Variants in RPTOR observed in about 807,000 individuals in gnomAD.
The protein encoded by RPTOR is regulatory associated protein of MTOR complex 1.
Under a neutral mutation model 169.9 loss-of-function variants are expected in RPTOR, and 21 were observed. That is an observed-to-expected ratio of 0.12 (90% CI 0.09 to 0.18). The LOEUF is 0.18. Ranked by LOEUF, RPTOR falls within the 10% of genes least tolerant of loss-of-function variation. The pLI, the probability that RPTOR is intolerant of heterozygous loss-of-function variation, is 1.00. For synonymous variants in RPTOR, 732 were observed against 753.2 expected (o/e 0.97, Z 0.46); for missense variants, 1,133 against 1,855.9 (o/e 0.61, Z 7.16).
At chr17:80,794,952 T>C (rs1226699309) in intron 7 of RPTOR, among the ~76,000 whole-genome samples, 1 of 152,076 alleles carries the variant, frequency 6.6e-6, no homozygotes, top group East Asian at 1.9e-4. Context: ...CTGGGGGTGA[T>C]GTCTTGATGC....
rs112725497 is a variant in RPTOR at position 80,692,225 on chromosome 17, C to T, written c.349-15616C>T. Among the ~76,000 whole-genome samples, 1,002 of 152,270 alleles carry T rather than the reference C, an allele frequency of 6.6e-3. 10 individuals are homozygous for T. The highest frequency in any genetic ancestry group is 0.023 in the African/African-American group (968 of 41,534). ...CTCCTGGGCTCAAGCCATCCTCCCA[C>T]CTCAGCCTCTCAAGTAGCCAAGACT... On this transcript the variant is annotated intron_variant, in intron 3 of 33. Coordinates refer to ENST00000306801, the MANE Select transcript of RPTOR (RefSeq NM_020761.3).
intron 28 of RPTOR, among the ~76,000 whole-genome samples, chr17:80,949,968 C>T (rs2069152540): frequency 6.6e-6 from 1 of 152,268 alleles, no homozygotes; most frequent in South Asian, 2.1e-4. Context: ...TCTGGGGCCT[C>T]ACGCGCTCGC....
At chr17:80,782,598 C>A (rs2066952417) in intron 6 of RPTOR, among the ~76,000 whole-genome samples, 1 of 152,170 alleles carries the variant, frequency 6.6e-6, no homozygotes, top group African/African-American at 2.4e-5. Context: ...GGGATCTCAG[C>A]CCCAGCCGTT....
chr17:80,956,174 G>A (rs1186470365), intron 28 of RPTOR, among the ~76,000 whole-genome samples: 2 of 152,162 alleles, frequency 1.3e-5, no homozygotes, highest in East Asian at 1.9e-4. Flanking sequence ...CCAGGCAGGC[G>A]CAGGGGCAGA....
chr17:80,546,254 CAAAT>C (rs1325158496), intron 1 of RPTOR, among the ~76,000 whole-genome samples: 1 of 152,148 alleles, frequency 6.6e-6, no homozygotes, highest in Non-Finnish European at 1.5e-5. Context: ...CAACTAGTAA[CAAAT>C]TAGTGCAAAG....
chr17:80,839,538 C>A (rs925357285), intron 10 of RPTOR, among the ~76,000 whole-genome samples: 6 of 138,960 alleles, frequency 4.3e-5, no homozygotes, highest in African/African-American at 1.4e-4. Context: ...TAGACAAAGG[C>A]CTTCCCTCCC....
intron 3 of RPTOR, among the ~76,000 whole-genome samples, chr17:80,657,936 A>G (rs982742878): frequency 9.2e-5 from 14 of 152,074 alleles, no homozygotes; most frequent in African/African-American, 3.4e-4. Flanking sequence ...TTCTCCTTCT[A>G]TTAGTGATGT....
intron 5 of RPTOR, among the ~76,000 whole-genome samples, chr17:80,751,196 G>A (rs1332677991): frequency 6.6e-6 from 1 of 152,164 alleles, no homozygotes; most frequent in East Asian, 1.9e-4. Context: ...ATTTCATTCC[G>A]AAAGCACTGG....
At chr17:80,776,219 AT>A (rs1369738210) in intron 6 of RPTOR, among the ~76,000 whole-genome samples, 2 of 152,158 alleles carry the variant, frequency 1.3e-5, no homozygotes, top group African/African-American at 4.8e-5. Context: ...AAAGAAAAAA[AT>A]AATAATATTT....
intron 1 of RPTOR, among the ~76,000 whole-genome samples, chr17:80,597,201 T>A (rs1277575492): frequency 6.6e-6 from 1 of 152,132 alleles, no homozygotes. Flanking sequence ...AGGTGCAGAA[T>A]GGTTGGGAGA....
At chr17:80,868,021 C>T (rs1296044978) in intron 13 of RPTOR, among the ~76,000 whole-genome samples, 1 of 152,124 alleles carries the variant, frequency 6.6e-6, no homozygotes, top group African/African-American at 2.4e-5. Context: ...GACTGTAAAT[C>T]CACAGTACTC....
chr17:80,850,103 G>C (rs2067777920), intron 11 of RPTOR, among the ~76,000 whole-genome samples: 3 of 152,158 alleles, frequency 2.0e-5, no homozygotes, highest in Non-Finnish European at 4.4e-5. Context: ...ACGGGTGCAG[G>C]TTTCTTGCAT....
chr17:80,893,774 C>A lies in RPTOR; in HGVS notation c.2310C>A (p.Gly770=), dbSNP rs750823885. 4 of 1,600,434 alleles carry A rather than the reference C, an allele frequency of 2.5e-6. No individual in the cohort carries two copies. The African/African-American group carries it at 4.1e-5, about 16-fold the overall frequency. ...GCAGCAGCGCCAGCAGCACCCTGGG[C>A]AGCCCCGAGAATGAGGAGCATATCC... The part of the protein sequence containing the change: ...STSSSASSTL[G]SPENEEHILS... The change falls in exon 20 of 34, where the codon GGC becomes GGA. Residue 770 remains glycine, a synonymous_variant. Transcript: ENST00000306801.
At chr17:80,930,230 C>T (rs111211139) in intron 24 of RPTOR, among the ~76,000 whole-genome samples, 307 of 20,426 alleles carry the variant, frequency 0.015, no homozygotes, top group African/African-American at 0.025. Flanking sequence ...CAGCTCATCC[C>T]CAGCTCATCC....
At chr17:80,850,424 G>T (rs1212854856) in intron 11 of RPTOR, among the ~76,000 whole-genome samples, 1 of 152,206 alleles carries the variant, frequency 6.6e-6, no homozygotes, top group African/African-American at 2.4e-5. Flanking sequence ...ATTCCATGAT[G>T]CACAGACGCT....
chr17:80,716,527 A>G (rs2066240943), intron 4 of RPTOR, among the ~76,000 whole-genome samples: 1 of 151,676 alleles, frequency 6.6e-6, no homozygotes, highest in Non-Finnish European at 1.5e-5. Context: ...TTGTCTGTTT[A>G]CTCTGCTGAC....
intron 9 of RPTOR, among the ~76,000 whole-genome samples, chr17:80,830,844 AG>A (rs1167350870): frequency 6.6e-6 from 1 of 151,238 alleles, no homozygotes; most frequent in African/African-American, 2.4e-5. Context: ...TCAACCTCCC[AG>A]GGTCAAGCAA....
chr17:80,548,712 T>G (rs1170973893), intron 1 of RPTOR, among the ~76,000 whole-genome samples: 1 of 152,018 alleles, frequency 6.6e-6, no homozygotes, highest in Non-Finnish European at 1.5e-5. Flanking sequence ...TACGTAAGAA[T>G]CTCTGTTACC....
chr17:80,885,818 G>A lies in RPTOR; in HGVS notation c.1983+670G>A, dbSNP rs1271634073. Among the ~76,000 whole-genome samples, 4 of 152,212 alleles carry A rather than the reference G, an allele frequency of 2.6e-5. No individual in the cohort carries two copies. The East Asian group carries it at 7.7e-4, about 29-fold the overall frequency. ...AGTCTCCCAAAGTGCTGAGATTACA[G>A]GCGTGAGCCACCGCGCCCGGCCAAA... On this transcript the variant is annotated intron_variant, in intron 17 of 33. Coordinates refer to ENST00000306801, the MANE Select transcript of RPTOR (RefSeq NM_020761.3).
Sources: gnomAD v4.1 joint callset for allele counts (sites outside exome capture counted in the v4.1 genomes callset) on GRCh38, gnomAD v4.1.1 for gene constraint, MANE v1.5 for transcripts, NCBI Gene and HGNC (gene_info 2026-07-23, HGNC 2026-07-21) for gene names.